DCC: variants seen among roughly 807,000 people sequenced by gnomAD.
The protein encoded by DCC is DCC netrin 1 receptor, also known as netrin receptor DCC.
DCC carries 58 observed loss-of-function variants against 172.5 expected under a neutral mutation model. The ratio of observed to expected loss-of-function variants is 0.34; its 90% CI spans 0.27 to 0.42. The LOEUF (loss-of-function observed/expected upper bound fraction) is 0.42, where lower values mean the gene tolerates loss of function less well. Ranked by LOEUF, DCC falls within the 10% of genes least tolerant of loss-of-function variation. The probability of loss-of-function intolerance (pLI) is 1.00; values close to 1 mark genes in which losing one functional copy is unlikely to be tolerated. For synonymous variants in DCC, 709 were observed against 644.5 expected (o/e 1.10, Z -1.52); for missense variants, 1,740 against 1,791.0 (o/e 0.97, Z 0.51).
intron 2 of DCC, among the ~76,000 whole-genome samples, chr18:52,829,112 C>A (rs909387372): frequency 6.6e-6 from 1 of 152,108 alleles, no homozygotes; most frequent in Non-Finnish European, 1.5e-5. Flanking sequence ...TTAATCATTT[C>A]CCTATTTTAT....
At chr18:52,871,942 T>C (rs1477645241) in intron 2 of DCC, among the ~76,000 whole-genome samples, 4 of 152,162 alleles carry the variant, frequency 2.6e-5, no homozygotes, top group African/African-American at 9.7e-5. Flanking sequence ...TCTACTGGTA[T>C]GTCAAGTCCT....
intron 12 of DCC, among the ~76,000 whole-genome samples, chr18:53,285,364 C>T (rs946509238): frequency 6.6e-6 from 1 of 152,130 alleles, no homozygotes; most frequent in Non-Finnish European, 1.5e-5. Flanking sequence ...CCACTCCAGC[C>T]GTGACTAAAA....
intron 2 of DCC, among the ~76,000 whole-genome samples, chr18:52,868,010 A>G (rs2039254810): frequency 6.6e-6 from 1 of 150,456 alleles, no homozygotes; most frequent in Non-Finnish European, 1.5e-5. Context: ...GTTTTGAATG[A>G]GATTGCTAAT....
chr18:53,375,967 C>T (rs574890430), intron 15 of DCC, among the ~76,000 whole-genome samples: 5 of 152,200 alleles, frequency 3.3e-5, no homozygotes, highest in African/African-American at 1.2e-4. Context: ...AAAAGGCACT[C>T]GGGTCTTACC....
rs530733839 is a variant in DCC at position 52,870,879 on chromosome 18, C to T, written c.413-35165C>T. Among the ~76,000 whole-genome samples, 3 of 152,218 alleles carry T rather than the reference C, an allele frequency of 2.0e-5. No individual in the cohort carries two copies. The South Asian group carries it at 6.2e-4, about 32-fold the overall frequency. Reference sequence around the variant, plus strand: ...AACTTTGTCTCCCATGTTGCATAGCCAGCTTCATATCACTTAGGCTCGCTC... The same window carrying T: ...AACTTTGTCTCCCATGTTGCATAGCTAGCTTCATATCACTTAGGCTCGCTC... On this transcript the variant is annotated intron_variant, in intron 2 of 28. Coordinates refer to ENST00000442544, the MANE Select transcript of DCC (RefSeq NM_005215.4).
At chr18:52,838,295 C>A (rs1421508511) in intron 2 of DCC, among the ~76,000 whole-genome samples, 1 of 152,228 alleles carries the variant, frequency 6.6e-6, no homozygotes, top group East Asian at 1.9e-4. Context: ...TTTATGTTGA[C>A]ATTTTTAATT....
chr18:52,774,177 G>A (rs1391684387), intron 2 of DCC, among the ~76,000 whole-genome samples: 1 of 152,196 alleles, frequency 6.6e-6, no homozygotes, highest in Non-Finnish European at 1.5e-5. Flanking sequence ...AATGAAAATT[G>A]TTTAGCTTTA....
At chr18:52,559,327 G>C in intron 1 of DCC, among the ~76,000 whole-genome samples, 1 of 152,180 alleles carries the variant, frequency 6.6e-6, no homozygotes, top group East Asian at 1.9e-4. Flanking sequence ...TAGCCAGGAT[G>C]GTCTCGATCT....
chr18:53,451,294 G>T (rs931039168), intron 23 of DCC, among the ~76,000 whole-genome samples: 1 of 152,228 alleles, frequency 6.6e-6, no homozygotes, highest in Admixed American at 6.5e-5. Flanking sequence ...TCTAGCAGAT[G>T]CAGAGAATGA....
rs116225382 is a variant in DCC at position 53,003,862 on chromosome 18, C to A, written c.986-59443C>A. On this transcript the variant is annotated intron_variant, in intron 5 of 28. Transcript: ENST00000442544. ...GAGTGATTAGTGTTCATATTTAACCCATTCTGTGTCTGGCTTCATTTTAAT... is the reference window on the plus strand; with the variant it reads ...GAGTGATTAGTGTTCATATTTAACCAATTCTGTGTCTGGCTTCATTTTAAT... Among the ~76,000 whole-genome samples the A allele has an allele frequency of 6.5e-3, 987 of 152,180 alleles. 11 individuals carry two copies. Among genetic ancestry groups the A allele is most frequent in the African/African-American group, 0.022 (906 of 41,524 alleles).
At chr18:52,421,796 G>T (rs531867872) in intron 1 of DCC, among the ~76,000 whole-genome samples, 1 of 152,200 alleles carries the variant, frequency 6.6e-6, no homozygotes, top group East Asian at 1.9e-4. Flanking sequence ...TGTTGTTGTT[G>T]TTATTTGTTT....
intron 5 of DCC, among the ~76,000 whole-genome samples, chr18:53,015,347 C>T (rs557754549): frequency 3.9e-5 from 6 of 152,148 alleles, no homozygotes; most frequent in Non-Finnish European, 7.4e-5. Context: ...AATTAAACAT[C>T]ATTTAATTTG....
chr18:52,715,702 G>T (rs1179827718), intron 1 of DCC, among the ~76,000 whole-genome samples: 2 of 152,086 alleles, frequency 1.3e-5, no homozygotes, highest in East Asian at 3.9e-4. Context: ...AGTGAATTGG[G>T]TTAGGCCAGT....
chr18:53,320,324 G>A (rs910285368), intron 13 of DCC, among the ~76,000 whole-genome samples: 10 of 152,092 alleles, frequency 6.6e-5, no homozygotes, highest in East Asian at 1.9e-4. Flanking sequence ...CGCCCGCCTC[G>A]GCCTCCCAAA....
intron 27 of DCC, among the ~76,000 whole-genome samples, chr18:53,504,704 A>G (rs2046148326): frequency 6.6e-6 from 1 of 152,208 alleles, no homozygotes; most frequent in African/African-American, 2.4e-5. Context: ...ATTTCCTCTG[A>G]GGTTTTAGAA....
chr18:53,197,447 G>T, intron 9 of DCC, among the ~76,000 whole-genome samples: 3 of 125,582 alleles, frequency 2.4e-5, no homozygotes, highest in African/African-American at 6.1e-5. Flanking sequence ...TTTTAACAGT[G>T]GCTGTTAAAT....
chr18:53,050,105 A>G (rs2042314244), intron 5 of DCC, among the ~76,000 whole-genome samples: 1 of 152,128 alleles, frequency 6.6e-6, no homozygotes, highest in Non-Finnish European at 1.5e-5. Flanking sequence ...CCAGCACAGG[A>G]GAAAGATGAA....
At chr18:52,670,033 A>G (rs2035523748) in intron 1 of DCC, among the ~76,000 whole-genome samples, 1 of 152,124 alleles carries the variant, frequency 6.6e-6, no homozygotes, top group South Asian at 2.1e-4. Context: ...TCCTCAGAGG[A>G]AAGAGCCAAC....
intron 15 of DCC, among the ~76,000 whole-genome samples, chr18:53,358,445 A>G (rs1053098991): frequency 2.6e-5 from 4 of 151,726 alleles, no homozygotes; most frequent in African/African-American, 9.7e-5. Context: ...ATTTTATAAA[A>G]TGGCTTATTG....
Sources: gnomAD v4.1 joint callset for allele counts (sites outside exome capture counted in the v4.1 genomes callset) on GRCh38, gnomAD v4.1.1 for gene constraint, MANE v1.5 for transcripts, NCBI Gene and HGNC (gene_info 2026-07-23, HGNC 2026-07-21) for gene names.